Variants in UBA2 observed in about 807,000 individuals in gnomAD.
UBA2 encodes the protein ubiquitin like modifier activating enzyme 2.
In UBA2, 11 loss-of-function variants were observed where a neutral mutation model predicts 77.2. The ratio of observed to expected loss-of-function variants is 0.14; its 90% CI spans 0.09 to 0.24. The LOEUF is 0.24. Among genes scored for constraint, UBA2 ranks in the 10% least tolerant of loss-of-function variants. The pLI, the probability that UBA2 is intolerant of heterozygous loss-of-function variation, is 1.00. For missense variants in UBA2, 487 were observed against 781.7 expected (o/e 0.62, Z 4.50); for synonymous variants, 278 against 276.7 (o/e 1.00, Z -0.05).
chr19:34,449,517 A>G (rs1330640103), intron 8 of UBA2, among the ~76,000 whole-genome samples: 2 of 152,240 alleles, frequency 1.3e-5, no homozygotes, highest in African/African-American at 4.8e-5. Flanking sequence ...ATTTTTAAAT[A>G]TAGCCAAATT....
chr19:34,439,229 G>A (rs375967858), intron 6 of UBA2, among the ~76,000 whole-genome samples: 52 of 151,184 alleles, frequency 3.4e-4, no homozygotes, highest in African/African-American at 1.2e-3. Flanking sequence ...AAAAAATGTG[G>A]CCATGACTGT....
At chr19:34,429,297 A>G in intron 1 of UBA2, 2 of 965,364 alleles carry the variant, frequency 2.1e-6, no homozygotes, top group Non-Finnish European at 2.5e-6. Context: ...AGCCAGTGCT[A>G]TTTTGAATCG....
chr19:34,444,334 C>T (rs1342137002), intron 7 of UBA2, among the ~76,000 whole-genome samples: 2 of 151,726 alleles, frequency 1.3e-5, no homozygotes, highest in East Asian at 1.9e-4. Context: ...CTGGGACAGG[C>T]GTAAGCAACC....
At chr19:34,457,053 G>T (rs1223928058) in intron 12 of UBA2, among the ~76,000 whole-genome samples, 1 of 149,814 alleles carries the variant, frequency 6.7e-6, no homozygotes, top group Non-Finnish European at 1.5e-5. Flanking sequence ...ATCTGGCCGG[G>T]CACGATGGCT....
intron 1 of UBA2, 35 bp from the exon 2 acceptor site, chr19:34,430,541 C>A: frequency 6.5e-7 from 1 of 1,529,816 alleles, no homozygotes; most frequent in Non-Finnish European, 9.0e-7. Flanking sequence ...CATACGTAAA[C>A]GTTTGTCATT....
At chr19:34,452,780 G>T (rs2075515815) in intron 10 of UBA2, among the ~76,000 whole-genome samples, 1 of 152,098 alleles carries the variant, frequency 6.6e-6, no homozygotes, top group South Asian at 2.1e-4. Flanking sequence ...GGGTCTTAAG[G>T]CATAAAGGCC....
chr19:34,469,032 G>C lies in UBA2; in HGVS notation c.1742-8G>C, dbSNP rs1159722733. The C allele has an allele frequency of 6.3e-7, 1 of 1,587,358 alleles. No individual in the cohort carries two copies. Among genetic ancestry groups the C allele is most frequent in the Non-Finnish European group, 8.5e-7 (1 of 1,170,498 alleles). ...CCCATTTTCTTTTTCCCTTTTTTCT[G>C]AAATAAGCTCAAGAGCAAGATGACG... On this transcript the variant is annotated splice_region_variant and splice_polypyrimidine_tract_variant and intron_variant, in intron 16 of 16. Transcript: ENST00000246548.
intron 13 of UBA2, among the ~76,000 whole-genome samples, chr19:34,460,085 T>C (rs953479660): frequency 6.6e-6 from 1 of 152,228 alleles, no homozygotes; most frequent in Non-Finnish European, 1.5e-5. Flanking sequence ...GAGACTTATC[T>C]GAGAGTCAGG....
rs796691817 is a variant in UBA2, at chr19:34,462,802, G to A, written c.1499-1224G>A. ...CCAACATGGCAAAACCTCATCTCTT[G>A]TAAAAATACAAAAATTAGGCCGGGC... On this transcript the variant is annotated intron_variant, in intron 14 of 16. Coordinates refer to ENST00000246548, the MANE Select transcript of UBA2 (RefSeq NM_005499.3). Among the ~76,000 whole-genome samples the A allele has an allele frequency of 1.8e-4, 28 of 152,086 alleles. 1 individual carries two copies. The highest frequency in any genetic ancestry group is 6.0e-4 in the African/African-American group (25 of 41,496).
At chr19:34,444,302 C>T (rs1346644093) in intron 7 of UBA2, among the ~76,000 whole-genome samples, 2 of 151,954 alleles carry the variant, frequency 1.3e-5, no homozygotes, top group African/African-American at 4.8e-5. Flanking sequence ...AGGTGATCCA[C>T]CCGCCTTGGC....
rs369462476 is a variant in UBA2, at chr19:34,466,897, G to A, written c.1624G>A (p.Val542Ile). 6.8e-6 allele frequency: 11 copies of A among 1,613,188 alleles called. No homozygotes were observed. Among genetic ancestry groups the A allele is most frequent in the African/African-American group, 2.7e-5 (2 of 74,884 alleles). The change falls in exon 16 of 17, where the codon GTT (valine) becomes ATT (isoleucine). Residue 542 changes from valine to isoleucine, a missense_variant. Val to Ile is a conservative substitution (Grantham distance 29). Around this residue, in one of 9 missense-constraint regions of UBA2, gnomAD observed 300 missense variants for 454.3 expected, o/e 0.66. Coordinates refer to ENST00000246548, the MANE Select transcript of UBA2 (RefSeq NM_005499.3). The part of the protein sequence containing the change: ...ILHSEDLGKD[V>I]EFEVVGDAPE... ...CTACAGTGAAGACCTAGGAAAGGAC[G>A]TTGAATTTGAAGTTGTTGGTGATGC...
At chr19:34,462,280 A>G (rs1275427238) in intron 14 of UBA2, among the ~76,000 whole-genome samples, 5 of 152,168 alleles carry the variant, frequency 3.3e-5, no homozygotes, top group East Asian at 3.8e-4. Flanking sequence ...GAGATTTGCA[A>G]AGTCAGAACT....
intron 10 of UBA2, among the ~76,000 whole-genome samples, chr19:34,453,648 C>A (rs992904980): frequency 6.6e-6 from 1 of 151,594 alleles, no homozygotes; most frequent in Non-Finnish European, 1.5e-5. Context: ...CTCAGGCTCC[C>A]GAGTACCTGG....
chr19:34,428,665 C>T (rs1000433483), intron 1 of UBA2, 95 bp downstream of exon 1: 30 of 1,196,446 alleles, frequency 2.5e-5, no homozygotes, highest in Non-Finnish European at 3.1e-5. Flanking sequence ...GGCTCAGGGC[C>T]CGGAGCCCGG....
At chr19:34,463,953 AGCT>A in intron 14 of UBA2, 70 bp from the exon 15 acceptor site, 1 of 1,071,844 alleles carries the variant, frequency 9.3e-7, no homozygotes. Flanking sequence ...ACAGAGGTTT[AGCT>A]TTTTAAAAAA....
rs185710332 is a variant in UBA2 at position 34,430,694 on chromosome 19, A to G, written c.222+35A>G. The stretch of plus-strand genomic sequence containing the variant: ...TTTCTCATACCATTTCTATAACTTG[A>G]TGGAGCTTCTATTTGTGATACCAGA... On this transcript the variant is annotated intron_variant, in intron 2 of 16. Transcript: ENST00000246548. 1.5e-5 allele frequency: 23 copies of G among 1,530,050 alleles called. No homozygotes were observed. In the East Asian group the frequency reaches 4.1e-4, roughly 27 times the overall value. 94.8% of individuals were successfully genotyped at this position (1,530,050 alleles called of 1,614,324 possible).
chr19:34,449,982 C>G (rs1387697076), intron 8 of UBA2, among the ~76,000 whole-genome samples: 1 of 152,144 alleles, frequency 6.6e-6, no homozygotes, highest in Non-Finnish European at 1.5e-5. Flanking sequence ...TTTAGGGAAG[C>G]TTTTGGAGAG....
chr19:34,434,970 TAAA>T lies in UBA2; in HGVS notation c.459+3_459+5del. 1.3e-6 allele frequency: 2 copies of T among 1,583,550 alleles called. No homozygotes were observed. The highest frequency in any genetic ancestry group is 1.7e-6 in the Non-Finnish European group (2 of 1,163,500). On this transcript the variant is annotated splice_donor_5th_base_variant and intron_variant, in intron 5 of 16. Transcript: ENST00000246548. ...GGACAAGTAACTACTATCAAAAAGG[TAAA>T]GAAAAGTTTTATTTTTTTAACTTCC...
chr19:34,450,150 T>C (rs929840186), intron 8 of UBA2, 115 bp from the exon 9 acceptor site: 2 of 682,654 alleles, frequency 2.9e-6, no homozygotes, highest in African/African-American at 1.9e-5. Context: ...TGCTGGTATA[T>C]GACATGTATC....
Sources: allele counts gnomAD v4.1 joint callset (sites outside exome capture counted in the v4.1 genomes callset), GRCh38; gene constraint gnomAD v4.1.1; regional missense constraint gnomAD v4.1.1; transcripts MANE v1.5; gene names NCBI Gene and HGNC (gene_info 2026-07-23, HGNC 2026-07-21).